Variants in BUB1 observed in about 807,000 individuals in gnomAD.
BUB1 encodes mitotic checkpoint serine/threonine-protein kinase BUB1.
A neutral mutation model predicts 135.2 loss-of-function variants in BUB1; 84 were observed. That is an observed-to-expected ratio of 0.62 (90% CI 0.52 to 0.74). The LOEUF (loss-of-function observed/expected upper bound fraction) is 0.74. BUB1 is among the 30% of genes least tolerant of loss of function. The pLI is 0.00. For missense variants in BUB1, 1,162 were observed against 1,288.3 expected, an observed-to-expected ratio of 0.90 and a Z score of 1.50; for synonymous variants, 403 against 434.4, an observed-to-expected ratio of 0.93 and a Z score of 0.90.
chr2:110,651,143 TA>T (rs1254385686), intron 17 of BUB1, among the ~76,000 whole-genome samples: 2 of 152,196 alleles, frequency 1.3e-5, no homozygotes, highest in Non-Finnish European at 2.9e-5. Context: ...GCTGCTTTTA[TA>T]ACATTGAAAC....
Position 110,653,485 on chromosome 2 carries a change from C to T in BUB1, c.1915G>A (p.Asp639Asn), listed in dbSNP as rs1402740792. The T allele has an allele frequency of 6.2e-7, 1 of 1,613,784 alleles. No individual in the cohort carries two copies. The highest frequency in any genetic ancestry group is 8.5e-7 in the Non-Finnish European group (1 of 1,179,914). The change falls in exon 17 of 25, where the codon GAT becomes AAT. Residue 639 changes from aspartate to asparagine, a missense_variant. By Grantham distance (23) the Asp-to-Asn change is conservative. Coordinates refer to ENST00000302759, the MANE Select transcript of BUB1 (RefSeq NM_004336.5). The stretch of plus-strand genomic sequence containing the variant: ...ACCACCATGTTTTCCTCACAAGAAT[C>T]CAAAGTCGCCTGGGTACACTGTTTT... ...VAKQCTQATL[D>N]SCEENMVVPS... is the part of the protein sequence containing the mutation.
rs192820766 is a variant in BUB1 at position 110,646,781 on chromosome 2, T to C, written c.2347+2453A>G. Among the ~76,000 whole-genome samples the C allele has an allele frequency of 1.0e-3, 158 of 152,232 alleles. 1 individual carries two copies. Among genetic ancestry groups the C allele is most frequent in the African/African-American group, 3.6e-3 (150 of 41,552 alleles). ...GTAAAGGAAAATTTGTAGCACTAAA[T>C]ACATATATTAGAAAAGAAGATCTAA... is the stretch of plus-strand genomic sequence containing the variant. On this transcript the variant is annotated intron_variant, in intron 19 of 24. Transcript: ENST00000302759.
At chr2:110,649,609 T>C (rs1348888986) in intron 18 of BUB1, among the ~76,000 whole-genome samples, 2 of 152,176 alleles carry the variant, frequency 1.3e-5, no homozygotes, top group East Asian at 3.8e-4. Flanking sequence ...CAATATTTAG[T>C]TGTGACAAAG....
rs146717997 is a variant in BUB1 at position 110,655,745 on chromosome 2, C to G, written c.1870G>C (p.Asp624His). ...AAAACAGTGTAACACACACCTTTAT[C>G]TTCTAAAATGTGCACTGACTCCACT... The part of the protein sequence containing the change: ...LPVESVHILE[D>H]KENVVAKQCT... The change falls in exon 16 of 25, where the codon GAT becomes CAT. Residue 624 changes from aspartate to histidine, a missense_variant. Coordinates refer to ENST00000302759, the MANE Select transcript of BUB1 (RefSeq NM_004336.5). 8 of 1,613,052 alleles carry G rather than the reference C, an allele frequency of 5.0e-6. No individual in the cohort carries two copies. Among genetic ancestry groups the G allele is most frequent in the Non-Finnish European group, 6.8e-6 (8 of 1,179,316 alleles).
intron 10 of BUB1, chr2:110,661,332 C>A (rs1690076641): frequency 4.3e-6 from 2 of 470,516 alleles, no homozygotes; most frequent in South Asian, 6.2e-5. Context: ...TGACTGTTGA[C>A]TTTCAGGTAC....
intron 19 of BUB1, among the ~76,000 whole-genome samples, chr2:110,645,252 G>A (rs969910608): frequency 1.3e-5 from 2 of 151,948 alleles, no homozygotes; most frequent in Non-Finnish European, 2.9e-5. Context: ...TGACCAATAT[G>A]GTGAAACCCT....
At chr2:110,667,120 A>G (rs1337114954) in intron 8 of BUB1, among the ~76,000 whole-genome samples, 1 of 152,262 alleles carries the variant, frequency 6.6e-6, no homozygotes, top group African/African-American at 2.4e-5. Context: ...TAACTGACCT[A>G]GAGGTTTAGA....
intron 21 of BUB1, 74 bp from the exon 22 acceptor site, chr2:110,641,538 C>T: frequency 1.9e-6 from 3 of 1,555,868 alleles, no homozygotes; most frequent in African/African-American, 1.4e-5. Context: ...GAGCTTTGCC[C>T]CTGCCCACCA....
chr2:110,651,888 C>T (rs1689796866), intron 17 of BUB1, among the ~76,000 whole-genome samples: 1 of 152,096 alleles, frequency 6.6e-6, no homozygotes, highest in African/African-American at 2.4e-5. Context: ...ACAGGTTATA[C>T]CATATAGCCT....
chr2:110,641,618 C>T (rs745799765), intron 21 of BUB1, 24 bp downstream of exon 21: 4 of 1,603,430 alleles, frequency 2.5e-6, no homozygotes, highest in Non-Finnish European at 2.6e-6. Flanking sequence ...AATTCATGTG[C>T]TCATCATAAA....
At position 110,641,428 on chromosome 2, in the gene BUB1, C is replaced by A. The variant is rs1689501515; in HGVS notation, c.2662G>T (p.Val888Leu). 6.2e-7 allele frequency: 1 copy of A among 1,613,426 alleles called. No homozygotes were observed. Among genetic ancestry groups the A allele is most frequent in the African/African-American group, 1.3e-5 (1 of 74,964 alleles). Residue 888 changes from valine (V) to leucine (L), a missense_variant, in exon 22 of 25, where the codon GTG (valine) becomes TTG (leucine). Coordinates refer to ENST00000302759, the MANE Select transcript of BUB1 (RefSeq NM_004336.5). ...GAGATGACAAGACCTTGAGGCATCACTTTTTCAGGGGTATTTTTATAGAGG... is the reference window on the plus strand; with the variant it reads ...GAGATGACAAGACCTTGAGGCATCAATTTTTCAGGGGTATTTTTATAGAGG... ...INLYKNTPEK[V>L]MPQGLVISFA... is the part of the protein sequence containing the mutation.
In BUB1 at chr2:110,641,462, A is replaced by G; in HGVS notation, c.2628T>C (p.Asn876=). 1 of 1,603,178 alleles carries G rather than the reference A, an allele frequency of 6.2e-7. No individual in the cohort carries two copies. The highest frequency in any genetic ancestry group is 1.1e-5 in the South Asian group (1 of 88,644). The change falls in exon 22 of 25, where the codon AAT becomes AAC. Residue 876 remains asparagine (N), a splice_region_variant and synonymous_variant. Coordinates refer to ENST00000302759, the MANE Select transcript of BUB1 (RefSeq NM_004336.5). ...GELYSYGTLL[N]AINLYKNTPE... ...GGGTATTTTTATAGAGGTTAATGGC[A>G]TTCTAGGAACAATGGAAAGTGGAAT... is the stretch of plus-strand genomic sequence containing the variant.
chr2:110,642,080 C>G, intron 20 of BUB1, 39 bp downstream of exon 20: 1 of 1,443,416 alleles, frequency 6.9e-7, no homozygotes, highest in Non-Finnish European at 9.4e-7. Flanking sequence ...TTCTAAAATT[C>G]ATTTCTATAT....
At chr2:110,673,354 C>T (rs1240365884) in intron 3 of BUB1, among the ~76,000 whole-genome samples, 1 of 152,168 alleles carries the variant, frequency 6.6e-6, no homozygotes, top group Non-Finnish European at 1.5e-5. Flanking sequence ...TGATCGAACT[C>T]AGACCCAGGG....
chr2:110,644,734 G>A (rs1689599696), intron 19 of BUB1, among the ~76,000 whole-genome samples: 1 of 152,110 alleles, frequency 6.6e-6, no homozygotes, highest in Non-Finnish European at 1.5e-5. Context: ...AACCATGCAA[G>A]CAAGAAGAGA....
chr2:110,676,569 T>C (rs2104565348), intron 1 of BUB1: 1 of 152,262 alleles, frequency 6.6e-6, no homozygotes, highest in East Asian at 1.9e-4. Context: ...AAACAGATTG[T>C]CAACAACCTG....
intron 8 of BUB1, 64 bp from the exon 9 acceptor site, chr2:110,666,478 G>A: frequency 8.3e-7 from 1 of 1,206,738 alleles, no homozygotes; most frequent in Non-Finnish European, 1.1e-6. Flanking sequence ...AGGAATACAT[G>A]CAAAATGAGG....
intron 11 of BUB1, 115 bp downstream of exon 11, chr2:110,659,863 C>G: frequency 1.5e-6 from 1 of 670,108 alleles, no homozygotes; most frequent in Non-Finnish European, 2.4e-6. Flanking sequence ...AATAGGAAAT[C>G]TAACACTCAG....
chr2:110,647,595 T>C lies in BUB1; in HGVS notation c.2347+1639A>G, dbSNP rs530462188. On this transcript the variant is annotated intron_variant, in intron 19 of 24. Coordinates refer to ENST00000302759, the MANE Select transcript of BUB1 (RefSeq NM_004336.5). ...TCTCAGCAAACTAGGAATAGAGAGA[T>C]ACTTTCTTAACTTGACAAAGAACAT... Among the ~76,000 whole-genome samples, 9 of 151,682 alleles carry C rather than the reference T, an allele frequency of 5.9e-5. No individual in the cohort carries two copies. In the East Asian group the frequency reaches 1.7e-3, roughly 29 times the overall value.
Sources: allele counts gnomAD v4.1 joint callset (sites outside exome capture counted in the v4.1 genomes callset), GRCh38; gene constraint gnomAD v4.1.1; transcripts MANE v1.5; gene names NCBI Gene and HGNC (gene_info 2026-07-23, HGNC 2026-07-21).